SHC4: variants seen among roughly 807,000 people sequenced by gnomAD.
The protein encoded by SHC4 is SHC-transforming protein 4.
In SHC4, 41 loss-of-function variants were observed where a neutral mutation model predicts 69.4. The observed-to-expected ratio is 0.59, with a 90% CI of 0.46 to 0.77. The LOEUF (loss-of-function observed/expected upper bound fraction) is 0.77, where lower values mean the gene tolerates loss of function less well. Ranked by LOEUF, SHC4 falls within the 30% of genes least tolerant of loss-of-function variation. The pLI is 0.00. For missense variants in SHC4, 777 were observed against 783.8 expected, an observed-to-expected ratio of 0.99 and a Z score of 0.10; for synonymous variants, 318 against 299.3, an observed-to-expected ratio of 1.06 and a Z score of -0.64.
At chr15:48,877,512 G>A (rs2140997822) in intron 4 of SHC4, 1 of 984,192 alleles carries the variant, frequency 1.0e-6, no homozygotes, top group African/African-American at 1.7e-5. Flanking sequence ...GTATTTTGCT[G>A]TCAATACATA....
At chr15:48,848,335 T>C (rs1452246056) in intron 9 of SHC4, among the ~76,000 whole-genome samples, 1 of 152,152 alleles carries the variant, frequency 6.6e-6, no homozygotes, top group Non-Finnish European at 1.5e-5. Context: ...GCAAAGTATC[T>C]AGGTGGAGGA....
At position 48,843,684 on chromosome 15, in the gene SHC4, C is replaced by T. The variant is rs1230605934; in HGVS notation, c.1304-96G>A. 5.1e-6 allele frequency: 6 copies of T among 1,175,050 alleles called. No homozygotes were observed. The African/African-American group carries it at 6.2e-5, about 12-fold the overall frequency. 72.8% of individuals were successfully genotyped at this position (1,175,050 alleles called of 1,614,324 possible). ...TCTAGAATTGATAGAAACCTAAAGG[C>T]CATGCCCCACCCTATACAATGATTG... On this transcript the variant is annotated intron_variant, in intron 9 of 11. Coordinates refer to ENST00000332408, the MANE Select transcript of SHC4 (RefSeq NM_203349.4).
chr15:48,836,972 G>A (rs1898910598), intron 10 of SHC4, among the ~76,000 whole-genome samples: 1 of 152,108 alleles, frequency 6.6e-6, no homozygotes, highest in Admixed American at 6.5e-5. Flanking sequence ...ACTTGTAACT[G>A]GCCTTAGTGC....
chr15:48,941,140 G>A (rs1018014750), intron 1 of SHC4, among the ~76,000 whole-genome samples: 1 of 152,196 alleles, frequency 6.6e-6, no homozygotes, highest in African/African-American at 2.4e-5. Context: ...GGAAGGCAGA[G>A]AACAGTCTAC....
intron 2 of SHC4, among the ~76,000 whole-genome samples, chr15:48,922,828 C>A (rs1900774812): frequency 6.6e-6 from 1 of 151,606 alleles, no homozygotes; most frequent in Non-Finnish European, 1.5e-5. Flanking sequence ...GGAGTAAACC[C>A]TGAAATATGT....
At chr15:48,923,795 G>A (rs544047389) in intron 2 of SHC4, among the ~76,000 whole-genome samples, 156 of 151,796 alleles carry the variant, frequency 1.0e-3, no homozygotes, top group Non-Finnish European at 1.6e-3. Flanking sequence ...ATGTGCTACC[G>A]TGCCTGGCTA....
At chr15:48,940,077 C>A (rs748177238) in intron 1 of SHC4, among the ~76,000 whole-genome samples, 1 of 152,228 alleles carries the variant, frequency 6.6e-6, no homozygotes, top group Non-Finnish European at 1.5e-5. Context: ...GCTAAGAACA[C>A]CTTAAGCACA....
In SHC4 at chr15:48,946,350, C is replaced by T. The variant is rs535155194; in HGVS notation, c.585+16081G>A. 3.9e-5 allele frequency among the ~76,000 whole-genome samples: 6 copies of T among 152,262 alleles called. No individual in the cohort carries two copies. In the South Asian group the frequency reaches 1.2e-3, roughly 32 times the overall value. On this transcript the variant is annotated intron_variant, in intron 1 of 11. Transcript: ENST00000332408. ...ATAAATCATAAATAAATATATTACCCATGACTGTGCACATTATGCTTCCTG... is the reference window on the plus strand; with the variant it reads ...ATAAATCATAAATAAATATATTACCTATGACTGTGCACATTATGCTTCCTG...
At chr15:48,847,822 G>C (rs1440136678) in intron 9 of SHC4, among the ~76,000 whole-genome samples, 1 of 151,870 alleles carries the variant, frequency 6.6e-6, no homozygotes, top group Non-Finnish European at 1.5e-5. Flanking sequence ...GACCAACATG[G>C]AGAAACCCCG....
At chr15:48,867,715 C>T in intron 6 of SHC4, 103 bp downstream of exon 6, 2 of 981,750 alleles carry the variant, frequency 2.0e-6, no homozygotes, top group South Asian at 1.5e-5. Flanking sequence ...AGTATAGCAC[C>T]CTAGTGATAG....
intron 1 of SHC4, among the ~76,000 whole-genome samples, chr15:48,955,590 C>T (rs747758647): frequency 2.6e-5 from 4 of 152,288 alleles, no homozygotes; most frequent in Admixed American, 6.5e-5. Context: ...CACTGCCATC[C>T]GCAGGGACCT....
intron 6 of SHC4, among the ~76,000 whole-genome samples, chr15:48,858,641 A>G (rs1377738583): frequency 1.3e-5 from 2 of 152,216 alleles, no homozygotes. Context: ...TCTCCCTACC[A>G]TATGTAACAT....
chr15:48,941,131 G>A (rs1567075379), intron 1 of SHC4, among the ~76,000 whole-genome samples: 3 of 152,148 alleles, frequency 2.0e-5, no homozygotes, highest in Admixed American at 1.3e-4. Flanking sequence ...CATTTAAAGG[G>A]AAGGCAGAGA....
At chr15:48,925,725 G>T (rs566736978) in intron 1 of SHC4, among the ~76,000 whole-genome samples, 1 of 152,148 alleles carries the variant, frequency 6.6e-6, no homozygotes, top group African/African-American at 2.4e-5. Flanking sequence ...GGCGTGATGC[G>T]ATTAGATCTG....
intron 2 of SHC4, among the ~76,000 whole-genome samples, chr15:48,899,582 G>GTTT (rs559443244): frequency 6.8e-6 from 1 of 147,108 alleles, no homozygotes. Context: ...TTCTACCACT[G>GTTT]TTTTTTTTTT....
At chr15:48,862,249 C>A (rs1899461562) in intron 6 of SHC4, among the ~76,000 whole-genome samples, 1 of 151,164 alleles carries the variant, frequency 6.6e-6, no homozygotes, top group Admixed American at 6.6e-5. Flanking sequence ...CTTCCTATAT[C>A]CAGGTAGTCC....
Position 48,863,682 on chromosome 15 carries a change from A to G in SHC4, c.946+4136T>C, listed in dbSNP as rs115594332. On this transcript the variant is annotated intron_variant, in intron 6 of 11. Coordinates refer to ENST00000332408, the MANE Select transcript of SHC4 (RefSeq NM_203349.4). Reference sequence around the variant, plus strand: ...TCAGCAGTGTTCAAGAATAACTACTACTCGAAACCACATTTTATCTTTTTT... The same window carrying G: ...TCAGCAGTGTTCAAGAATAACTACTGCTCGAAACCACATTTTATCTTTTTT... Among the ~76,000 whole-genome samples, 915 of 152,320 alleles carry G rather than the reference A, an allele frequency of 6.0e-3. 6 individuals carry two copies. Among genetic ancestry groups the G allele is most frequent in the African/African-American group, 0.018 (764 of 41,576 alleles).
rs903721651 is a variant in SHC4 at position 48,824,165 on chromosome 15, G to A, written c.*1806C>T. On this transcript the variant is annotated 3_prime_UTR_variant, in exon 12 of 12. Transcript: ENST00000332408. Reference sequence around the variant, plus strand: ...AAGACCTAAGGTATATGGAAAACTGGTGAAAAATACATTAATTCTAGTTGT... The same window carrying A: ...AAGACCTAAGGTATATGGAAAACTGATGAAAAATACATTAATTCTAGTTGT... 2.6e-5 allele frequency: 4 copies of A among 152,122 alleles called. No homozygotes were observed. The highest frequency in any genetic ancestry group is 9.7e-5 in the African/African-American group (4 of 41,416). The allele number at this position is 152,122 out of a possible 1,614,324, so 9.4% of individuals were successfully genotyped here.
intron 11 of SHC4, among the ~76,000 whole-genome samples, chr15:48,829,671 A>G (rs1210654200): frequency 6.6e-6 from 1 of 152,112 alleles, no homozygotes; most frequent in Non-Finnish European, 1.5e-5. Flanking sequence ...TATAATCCCA[A>G]CACTTTGGGA....
Sources: gnomAD v4.1 joint callset for allele counts (sites outside exome capture counted in the v4.1 genomes callset) on GRCh38, gnomAD v4.1.1 for gene constraint, MANE v1.5 for transcripts, NCBI Gene and HGNC (gene_info 2026-07-23, HGNC 2026-07-21) for gene names.